The following SYT11 variants were observed in gnomAD, a reference collection of about 807,000 sequenced individuals.
SYT11 encodes synaptotagmin-11.
In SYT11, 12 loss-of-function variants were observed where a neutral mutation model predicts 30.4. The observed-to-expected ratio is 0.39, with a 90% CI of 0.25 to 0.64. The LOEUF (loss-of-function observed/expected upper bound fraction) is 0.64. SYT11 is among the 30% of genes least tolerant of loss of function. SYT11 has a pLI of 0.45. For missense variants in SYT11, 412 were observed against 552.0 expected, an observed-to-expected ratio of 0.75 and a Z score of 2.54; for synonymous variants, 204 against 216.0, an observed-to-expected ratio of 0.94 and a Z score of 0.49.
chr1:155,873,471 C>T (rs1274949002), intron 2 of SYT11, among the ~76,000 whole-genome samples: 1 of 152,132 alleles, frequency 6.6e-6, no homozygotes, highest in Non-Finnish European at 1.5e-5. Context: ...CCTATCCTTC[C>T]TCTGTATATA....
chr1:155,872,978 T>G (rs1672802950), intron 2 of SYT11, among the ~76,000 whole-genome samples: 2 of 152,126 alleles, frequency 1.3e-5, no homozygotes, highest in African/African-American at 4.8e-5. Flanking sequence ...AGTTGTCAAC[T>G]TTCCCAAAAA....
rs893858122 is a variant in SYT11 at position 155,863,448 on chromosome 1, G to A, written c.34+3653G>A. On this transcript the variant is annotated intron_variant, in intron 1 of 3. Transcript: ENST00000368324. Reference sequence around the variant, plus strand: ...AGCCTGGGCCACAGAGTGAGACCACGTCTCTAAAAAAATAATAACAATAAA... The same window carrying A: ...AGCCTGGGCCACAGAGTGAGACCACATCTCTAAAAAAATAATAACAATAAA... Among the ~76,000 whole-genome samples, 7 of 151,662 alleles carry A rather than the reference G, an allele frequency of 4.6e-5. No homozygotes were observed. The East Asian group carries it at 5.8e-4, about 13-fold the overall frequency.
chr1:155,869,395 C>T (rs149016886), intron 2 of SYT11, among the ~76,000 whole-genome samples: 6 of 151,714 alleles, frequency 4.0e-5, no homozygotes, highest in African/African-American at 9.7e-5. Context: ...CTCAGCCTCC[C>T]GAGTAGCTGG....
At chr1:155,864,365 A>T (rs961622205) in intron 1 of SYT11, among the ~76,000 whole-genome samples, 2 of 152,254 alleles carry the variant, frequency 1.3e-5, no homozygotes, top group Non-Finnish European at 2.9e-5. Flanking sequence ...CATGTATATT[A>T]TGACCAGTGC....
chr1:155,867,868 A>T, intron 1 of SYT11, 97 bp from the exon 2 acceptor site: 1 of 955,402 alleles, frequency 1.0e-6, no homozygotes, highest in Non-Finnish European at 1.5e-6. Flanking sequence ...GGCTAGATTG[A>T]AGATTAGCTT....
At chr1:155,873,072 C>A (rs753659785) in intron 2 of SYT11, among the ~76,000 whole-genome samples, 1 of 152,140 alleles carries the variant, frequency 6.6e-6, no homozygotes, top group African/African-American at 2.4e-5. Context: ...AATAAGTAAT[C>A]GGGAAACCTA....
intron 2 of SYT11, among the ~76,000 whole-genome samples, chr1:155,873,412 A>G (rs1013548144): frequency 3.0e-4 from 45 of 152,104 alleles, no homozygotes; most frequent in African/African-American, 8.7e-4. Flanking sequence ...GCGACAGAGC[A>G]AGACTCCGTC....
At chr1:155,879,995 A>G (rs1672935598) in intron 2 of SYT11, among the ~76,000 whole-genome samples, 1 of 152,094 alleles carries the variant, frequency 6.6e-6, no homozygotes, top group South Asian at 2.1e-4. Flanking sequence ...GGAATTCAAG[A>G]CCAGCCTGGG....
Position 155,868,783 on chromosome 1 carries a change from A to G in SYT11, c.853A>G (p.Asn285Asp). 1 of 1,612,490 alleles carries G rather than the reference A, an allele frequency of 6.2e-7. No homozygotes were observed. The highest frequency in any genetic ancestry group is 8.5e-7 in the Non-Finnish European group (1 of 1,178,928). Reference protein sequence around the residue: ...VQLTRDIIKRNIQKCISRGEL... With the variant: ...VQLTRDIIKRDIQKCISRGEL... ...ACTGACCAGGGACATCATCAAAAGGAATATCCAGGTGAGTAGGAAGTGTGT... is the reference window on the plus strand; with the variant it reads ...ACTGACCAGGGACATCATCAAAAGGGATATCCAGGTGAGTAGGAAGTGTGT... Residue 285 changes from asparagine to aspartate, a missense_variant, in exon 2 of 4, where the codon AAT (asparagine) becomes GAT (aspartate). Asn to Asp is a conservative substitution (Grantham distance 23). Coordinates refer to ENST00000368324, the MANE Select transcript of SYT11 (RefSeq NM_152280.5). The surrounding 1 kb of genome is among the most constrained non-coding windows in gnomAD (Gnocchi z 4.7).
intron 2 of SYT11, among the ~76,000 whole-genome samples, chr1:155,870,468 G>C (rs1672764152): frequency 6.6e-6 from 1 of 152,216 alleles, no homozygotes; most frequent in African/African-American, 2.4e-5. Flanking sequence ...CACAGTGAAG[G>C]AAGACAAGGG....
At chr1:155,867,114 G>A (rs763302427) in intron 1 of SYT11, among the ~76,000 whole-genome samples, 21 of 151,100 alleles carry the variant, frequency 1.4e-4, no homozygotes, top group Non-Finnish European at 2.4e-4. Context: ...CTGGAATGCA[G>A]TGGCACGATC....
At position 155,881,353 on chromosome 1, in the gene SYT11, G is replaced by A. The variant is rs749783469; in HGVS notation, c.1141G>A (p.Val381Ile). The A allele has an allele frequency of 6.8e-6, 11 of 1,614,022 alleles. No individual in the cohort carries two copies. Among genetic ancestry groups the A allele is most frequent in the Admixed American group, 3.3e-5 (2 of 59,994 alleles). The change falls in exon 4 of 4, where the codon GTT (valine) becomes ATT (isoleucine). Residue 381 changes from valine to isoleucine, a missense_variant. Physicochemically the swap from Val to Ile is conservative, Grantham distance 29. Transcript: ENST00000368324. Reference protein sequence around the residue: ...LLPDISIEFLVIDFDRTTKNE... With the variant: ...LLPDISIEFLIIDFDRTTKNE... ...GCCTGATATCAGCATCGAGTTCCTC[G>A]TTATCGACTTCGATCGCACCACCAA...
intron 2 of SYT11, among the ~76,000 whole-genome samples, chr1:155,874,971 T>C (rs1174151115): frequency 1.4e-5 from 2 of 144,012 alleles, no homozygotes; most frequent in African/African-American, 2.5e-5. Flanking sequence ...GAGCTGACAA[T>C]AGGCCGGGCA....
In SYT11 at chr1:155,881,472, G is replaced by A; in HGVS notation, c.1260G>A (p.Lys420=). Residue 420 remains lysine (K), a synonymous_variant, in exon 4 of 4, where the codon AAG becomes AAA. Coordinates refer to ENST00000368324, the MANE Select transcript of SYT11 (RefSeq NM_152280.5). Reference sequence around the variant, plus strand: ...GAGAGGTCTGCGAGAGCCCCCGCAAGCCTGTGGCCAAGTGGCACAGTCTGA... The same window carrying A: ...GAGAGGTCTGCGAGAGCCCCCGCAAACCTGTGGCCAAGTGGCACAGTCTGA... The part of the protein sequence containing the change: ...HWREVCESPR[K]PVAKWHSLSE... 1 of 1,611,392 alleles carries A rather than the reference G, an allele frequency of 6.2e-7. No homozygotes were observed.
chr1:155,866,963 C>T (rs373490688), intron 1 of SYT11, among the ~76,000 whole-genome samples: 1 of 79,378 alleles, frequency 1.3e-5, no homozygotes, highest in Non-Finnish European at 2.7e-5. Flanking sequence ...TACATATATA[C>T]ACATACACAC....
chr1:155,870,003 T>C (rs6663312), intron 2 of SYT11, among the ~76,000 whole-genome samples: 4,035 of 152,322 alleles, frequency 0.026, 179 homozygotes, highest in African/African-American at 0.093. Flanking sequence ...GATAATATTG[T>C]CTTCCTTACA....
At chr1:155,862,301 G>A (rs566086585) in intron 1 of SYT11, among the ~76,000 whole-genome samples, 1 of 152,336 alleles carries the variant, frequency 6.6e-6, no homozygotes, top group Admixed American at 6.5e-5. Context: ...TCAGCCATTA[G>A]TTTCAACTTC....
chr1:155,871,613 A>C (rs1187736982), intron 2 of SYT11, among the ~76,000 whole-genome samples: 5 of 152,236 alleles, frequency 3.3e-5, no homozygotes, highest in Admixed American at 3.3e-4. Flanking sequence ...CTAAGCTGCC[A>C]GGGGCTCTTG....
In SYT11 at chr1:155,879,405, G is replaced by A. The variant is rs1051201933; in HGVS notation, c.862-1095G>A. On this transcript the variant is annotated intron_variant, in intron 2 of 3. Transcript: ENST00000368324. ...GCACTCCAGCCTGGGCGACAAGAGCGAGCCTCTGTCTCAAAAAAAAAGTTA... is the reference window on the plus strand; with the variant it reads ...GCACTCCAGCCTGGGCGACAAGAGCAAGCCTCTGTCTCAAAAAAAAAGTTA... Among the ~76,000 whole-genome samples the A allele has an allele frequency of 3.3e-5, 5 of 152,052 alleles. 1 individual carries two copies. Among genetic ancestry groups the A allele is most frequent in the East Asian group, 3.9e-4 (2 of 5,178 alleles).
Sources: allele counts gnomAD v4.1 joint callset (sites outside exome capture counted in the v4.1 genomes callset), GRCh38; gene constraint gnomAD v4.1.1; non-coding constraint Gnocchi (gnomAD v3.1); transcripts MANE v1.5; gene names NCBI Gene and HGNC (gene_info 2026-07-23, HGNC 2026-07-21).